The following NAV3 variants were observed in gnomAD, a reference collection of about 807,000 sequenced individuals.
The protein encoded by NAV3 is neuron navigator 3, also known as pore membrane and/or filament interacting like protein 1.
A neutral mutation model predicts 244.7 loss-of-function variants in NAV3; 87 were observed. The observed-to-expected ratio is 0.36, with a 90% CI of 0.30 to 0.42. The LOEUF (loss-of-function observed/expected upper bound fraction) is 0.42. Among genes scored for constraint, NAV3 ranks in the 20% least tolerant of loss-of-function variants. The pLI, the probability that NAV3 is intolerant of heterozygous loss-of-function variation, is 1.00. For synonymous variants in NAV3, 1,126 were observed against 1,042.2 expected (o/e 1.08, Z -1.55); for missense variants, 2,663 against 2,893.3 (o/e 0.92, Z 1.83).
At chr12:77,972,518 T>A (rs1016639007) in intron 5 of NAV3, among the ~76,000 whole-genome samples, 1 of 152,166 alleles carries the variant, frequency 6.6e-6, no homozygotes, top group Non-Finnish European at 1.5e-5. Flanking sequence ...ATATTAAGCA[T>A]CTTATTTGCA....
chr12:77,604,966 T>C (rs530815611), intron 2 of NAV3, among the ~76,000 whole-genome samples: 8 of 152,254 alleles, frequency 5.3e-5, no homozygotes, highest in Non-Finnish European at 1.2e-4. Context: ...GTTGCCATTC[T>C]TCATTCAACA....
intron 1 of NAV3, among the ~76,000 whole-genome samples, chr12:77,904,649 A>G (rs1731726): frequency 2.7e-5 from 4 of 146,198 alleles, no homozygotes; most frequent in Admixed American, 6.7e-5. Flanking sequence ...ATAATTTTTT[A>G]AAAAAAAGAA....
At chr12:77,620,771 C>T (rs577888934) in intron 2 of NAV3, among the ~76,000 whole-genome samples, 1 of 152,076 alleles carries the variant, frequency 6.6e-6, no homozygotes, top group East Asian at 1.9e-4. Context: ...TATTCTTGTG[C>T]TGCTAGGAAA....
intron 1 of NAV3, among the ~76,000 whole-genome samples, chr12:77,922,886 A>G (rs903416772): frequency 1.3e-5 from 2 of 152,158 alleles, no homozygotes; most frequent in African/African-American, 4.8e-5. Flanking sequence ...AAAGAACAAT[A>G]TCTGAAATCA....
intron 2 of NAV3, among the ~76,000 whole-genome samples, chr12:77,585,287 C>T (rs752594312): frequency 6.6e-6 from 1 of 152,162 alleles, no homozygotes; most frequent in Non-Finnish European, 1.5e-5. Context: ...ACCAGAGATC[C>T]TGCATTAGAC....
At chr12:77,574,133 G>A (rs570268963) in intron 2 of NAV3, among the ~76,000 whole-genome samples, 3 of 152,140 alleles carry the variant, frequency 2.0e-5, no homozygotes, top group Admixed American at 6.5e-5. Flanking sequence ...CTATAGCCTC[G>A]CCTTCTCATC....
At chr12:77,870,349 G>A (rs901224190) in intron 1 of NAV3, among the ~76,000 whole-genome samples, 62 of 140,888 alleles carry the variant, frequency 4.4e-4, no homozygotes, top group Non-Finnish European at 9.1e-5. Flanking sequence ...TGGTAACAGA[G>A]TGAGACTCCA....
intron 2 of NAV3, among the ~76,000 whole-genome samples, chr12:77,812,185 C>T (rs1320368847): frequency 6.6e-6 from 1 of 152,112 alleles, no homozygotes; most frequent in Non-Finnish European, 1.5e-5. Flanking sequence ...TTGAGACAAA[C>T]TTTAGCTTCT....
intron 1 of NAV3, among the ~76,000 whole-genome samples, chr12:77,872,169 T>C (rs1050895138): frequency 2.0e-5 from 3 of 152,194 alleles, no homozygotes; most frequent in African/African-American, 7.2e-5. Flanking sequence ...TTAAGTTCTT[T>C]GTAACAAATT....
chr12:77,755,611 C>CTCCCTCCCTCCCTCCCTCCT (rs1201606858), intron 2 of NAV3, among the ~76,000 whole-genome samples: 2 of 38,244 alleles, frequency 5.2e-5, no homozygotes, highest in African/African-American at 2.5e-4. Context: ...CCCTCCCTCC[C>CTCCCTCCCTCCCTCCCTCCT]TCCTTCCTTC....
At chr12:77,580,359 C>T (rs1456171849) in intron 2 of NAV3, among the ~76,000 whole-genome samples, 1 of 152,096 alleles carries the variant, frequency 6.6e-6, no homozygotes, top group Non-Finnish European at 1.5e-5. Flanking sequence ...CTGGCTTCTA[C>T]TGAGCTGCAT....
chr12:78,191,561 C>T (rs1958982979), intron 34 of NAV3, among the ~76,000 whole-genome samples: 1 of 152,088 alleles, frequency 6.6e-6, no homozygotes, highest in Non-Finnish European at 1.5e-5. Context: ...AAATGCAATA[C>T]ATAAATTCTG....
intron 2 of NAV3, among the ~76,000 whole-genome samples, chr12:77,682,201 T>C (rs1267295163): frequency 6.6e-6 from 1 of 152,116 alleles, no homozygotes; most frequent in African/African-American, 2.4e-5. Context: ...TTACTCTCTG[T>C]TTCTATAAGC....
intron 3 of NAV3, among the ~76,000 whole-genome samples, chr12:77,960,916 A>C (rs1444525250): frequency 1.4e-5 from 2 of 144,160 alleles, no homozygotes; most frequent in Non-Finnish European, 3.0e-5. Flanking sequence ...TTCAATATAC[A>C]TGTGTTTAAT....
At chr12:77,893,495 A>G (rs1308875986) in intron 1 of NAV3, among the ~76,000 whole-genome samples, 2 of 152,106 alleles carry the variant, frequency 1.3e-5, no homozygotes, top group East Asian at 3.9e-4. Context: ...TTATATTGAC[A>G]TTGTCATGTC....
intron 2 of NAV3, among the ~76,000 whole-genome samples, chr12:77,673,279 A>G (rs1490889055): frequency 6.6e-6 from 1 of 152,146 alleles, no homozygotes; most frequent in Non-Finnish European, 1.5e-5. Flanking sequence ...TTTTATGATC[A>G]GGTTGCATTG....
chr12:77,947,043 A>G (rs1456857753), intron 3 of NAV3, among the ~76,000 whole-genome samples: 1 of 152,108 alleles, frequency 6.6e-6, no homozygotes, highest in African/African-American at 2.4e-5. Context: ...ATTGTTTTCC[A>G]GCCACAACCT....
At chr12:77,819,502 G>A (rs1275747148) in intron 2 of NAV3, among the ~76,000 whole-genome samples, 1 of 147,612 alleles carries the variant, frequency 6.8e-6, no homozygotes, top group East Asian at 2.0e-4. Context: ...CTAAAATGTA[G>A]CTAGTGAATA....
At chr12:77,925,185 T>C (rs1221005944) in intron 1 of NAV3, among the ~76,000 whole-genome samples, 1 of 152,178 alleles carries the variant, frequency 6.6e-6, no homozygotes, top group Non-Finnish European at 1.5e-5. Flanking sequence ...GTGTCTTGCA[T>C]GTTGAATGAA....
Sources: gnomAD v4.1 joint callset for allele counts (sites outside exome capture counted in the v4.1 genomes callset) on GRCh38, gnomAD v4.1.1 for gene constraint, MANE v1.5 for transcripts, NCBI Gene and HGNC (gene_info 2026-07-23, HGNC 2026-07-21) for gene names.